The following GCLC variants were observed in gnomAD, a reference collection of about 807,000 sequenced individuals.
GCLC encodes the protein glutamate-cysteine ligase catalytic subunit, also known as glutamate--cysteine ligase catalytic subunit.
GCLC carries 30 observed loss-of-function variants against 81.5 expected under a neutral mutation model. The observed-to-expected ratio is 0.37, with a 90% CI of 0.28 to 0.50. The LOEUF (loss-of-function observed/expected upper bound fraction) is 0.50, where lower values mean the gene tolerates loss of function less well. Ranked by LOEUF, GCLC falls within the 20% of genes least tolerant of loss-of-function variation. The pLI is 0.96. For synonymous variants in GCLC, 262 were observed against 273.3 expected (o/e 0.96, Z 0.41); for missense variants, 556 against 777.4 (o/e 0.72, Z 3.39).
intron 12 of GCLC, among the ~76,000 whole-genome samples, chr6:53,504,246 T>C (rs1363631209): frequency 1.3e-5 from 2 of 152,022 alleles, no homozygotes; most frequent in Non-Finnish European, 2.9e-5. Flanking sequence ...AGATGGGATC[T>C]GGCAATGTTG....
rs1479553840 is a variant in GCLC, at chr6:53,517,264, T to C, written c.447-1042A>G. Among the ~76,000 whole-genome samples, 10 of 131,182 alleles carry C rather than the reference T, an allele frequency of 7.6e-5. 1 individual carries two copies. The allele number at this position is 131,182 out of a possible 152,430, so 86.1% of individuals were successfully genotyped here. On this transcript the variant is annotated intron_variant, in intron 3 of 15. Transcript: ENST00000650454. The stretch of plus-strand genomic sequence containing the variant: ...ACTGTACCAAGTTTTTTTTTTTTTT[T>C]TTTTTTTTTTTTTCCAGGGACGAGG...
intron 2 of GCLC, among the ~76,000 whole-genome samples, chr6:53,521,973 C>CA (rs17880508): frequency 2.6e-5 from 4 of 151,108 alleles, no homozygotes; most frequent in Non-Finnish European, 4.4e-5. Context: ...GACTCCGTCT[C>CA]AAAAAAAAAT....
chr6:53,521,866 C>A (rs911361372), intron 2 of GCLC, among the ~76,000 whole-genome samples: 2 of 152,000 alleles, frequency 1.3e-5, no homozygotes, highest in Non-Finnish European at 1.5e-5. Flanking sequence ...CCCAGCTACT[C>A]GGGAGGGTGA....
intron 7 of GCLC, 97 bp from the exon 8 acceptor site, chr6:53,508,808 T>A: frequency 1.2e-6 from 1 of 813,808 alleles, no homozygotes; most frequent in Non-Finnish European, 2.1e-6. Context: ...AAAAGCATGT[T>A]TATGCAACCC....
chr6:53,515,520 T>C (rs547447704), intron 4 of GCLC, among the ~76,000 whole-genome samples: 1 of 152,388 alleles, frequency 6.6e-6, no homozygotes, highest in East Asian at 1.9e-4. Context: ...GAAGTCTCCA[T>C]GTTCCCACTC....
At chr6:53,519,233 C>A (rs1261791563) in intron 3 of GCLC, among the ~76,000 whole-genome samples, 1 of 152,194 alleles carries the variant, frequency 6.6e-6, no homozygotes, top group African/African-American at 2.4e-5. Flanking sequence ...CTTCCCTTTA[C>A]CCCATACCTG....
In GCLC at chr6:53,500,033, T is replaced by A; in HGVS notation, c.1702+12A>T. 1 of 1,572,258 alleles carries A rather than the reference T, an allele frequency of 6.4e-7. No individual in the cohort carries two copies. The highest frequency in any genetic ancestry group is 8.8e-7 in the Non-Finnish European group (1 of 1,141,984). On this transcript the variant is annotated intron_variant, in intron 15 of 15. Coordinates refer to ENST00000650454, the MANE Select transcript of GCLC (RefSeq NM_001498.4). ...GTCTATATTATGAGATTAAGAAAAA[T>A]AGATATCATACCAGATGCTCTCTTC... is the stretch of plus-strand genomic sequence containing the variant.
chr6:53,498,630 T>G lies in GCLC; in HGVS notation c.*126A>C. On this transcript the variant is annotated 3_prime_UTR_variant, in exon 16 of 16. Transcript: ENST00000650454. ...ACCAAAGAAAGCCTTAATCAATTTC[T>G]GGCTCACTGGCCCAGAAAACAGTAC... is the stretch of plus-strand genomic sequence containing the variant. 1 of 728,258 alleles carries G rather than the reference T, an allele frequency of 1.4e-6. No homozygotes were observed. Among genetic ancestry groups the G allele is most frequent in the South Asian group, 1.5e-5 (1 of 67,392 alleles). The allele number at this position is 728,258 out of a possible 1,614,324, so 45.1% of individuals were successfully genotyped here.
In GCLC at chr6:53,506,656, T is replaced by TAA; in HGVS notation, c.1197+255_1197+256dup. On this transcript the variant is annotated intron_variant, in intron 10 of 15. Coordinates refer to ENST00000650454, the MANE Select transcript of GCLC (RefSeq NM_001498.4). This position sits in a 1 kb window ranked among gnomAD's most constrained non-coding sequence, Gnocchi z 4.0. ...AGGCAAATAAGAAAATACTGAACAA[T>TAA]AAAAAAAAAAATTAGAATCAGTGAG... 66 of 372,942 alleles carry TAA rather than the reference T, an allele frequency of 1.8e-4. No homozygotes were observed. Among genetic ancestry groups the TAA allele is most frequent in the East Asian group, 2.6e-4 (5 of 19,272 alleles). 23.1% of individuals were successfully genotyped at this position (372,942 alleles called of 1,614,324 possible).
At chr6:53,501,650 G>A (rs769905680) in intron 12 of GCLC, among the ~76,000 whole-genome samples, 3 of 152,200 alleles carry the variant, frequency 2.0e-5, no homozygotes, top group Non-Finnish European at 4.4e-5. Context: ...TATGCAGGGA[G>A]TGCGATTGTT....
intron 3 of GCLC, among the ~76,000 whole-genome samples, chr6:53,516,830 A>G (rs1764883513): frequency 6.6e-6 from 1 of 152,090 alleles, no homozygotes; most frequent in African/African-American, 2.4e-5. Flanking sequence ...CTCTTACTTG[A>G]CTTAAGGAGC....
At chr6:53,515,783 GAA>G (rs5876317) in intron 4 of GCLC, among the ~76,000 whole-genome samples, 2 of 150,708 alleles carry the variant, frequency 1.3e-5, no homozygotes, top group African/African-American at 4.9e-5. Flanking sequence ...ATAACTAAGA[GAA>G]AAAAAAAATC....
Position 53,498,719 on chromosome 6 carries a change from A to C in GCLC, c.*37T>G. 8.0e-7 allele frequency: 1 copy of C among 1,257,456 alleles called. No individual in the cohort carries two copies. Among genetic ancestry groups the C allele is most frequent in the Non-Finnish European group, 1.2e-6 (1 of 855,978 alleles). The allele number at this position is 1,257,456 out of a possible 1,614,324, so 77.9% of individuals were successfully genotyped here. A position where few individuals can be genotyped will look rare whatever the true frequency, so the allele number is the denominator to read the frequency against. On this transcript the variant is annotated 3_prime_UTR_variant, in exon 16 of 16. Transcript: ENST00000650454. ...GGCTGAGAGGCATGGTACTGTAGCCAGTTCGTCAATAATGCATTTTTCTTT... is the reference window on the plus strand; with the variant it reads ...GGCTGAGAGGCATGGTACTGTAGCCCGTTCGTCAATAATGCATTTTTCTTT...
intron 6 of GCLC, among the ~76,000 whole-genome samples, chr6:53,511,298 AT>A (rs1265884541): frequency 4.6e-5 from 7 of 151,990 alleles, no homozygotes; most frequent in Non-Finnish European, 1.0e-4. Flanking sequence ...AGGCATTGAG[AT>A]TTTAAAAAAA....
chr6:53,533,653 C>A (rs1029977415), intron 1 of GCLC, among the ~76,000 whole-genome samples: 1 of 151,882 alleles, frequency 6.6e-6, no homozygotes, highest in Admixed American at 6.6e-5. Flanking sequence ...TATTCTGAAA[C>A]AATTAAAAAT....
intron 1 of GCLC, among the ~76,000 whole-genome samples, chr6:53,530,262 G>A (rs1002263): frequency 0.023 from 3,537 of 152,236 alleles, 116 homozygotes; most frequent in African/African-American, 0.079. Flanking sequence ...GAATCTGAGT[G>A]CAGACACTGT....
chr6:53,504,809 G>A (rs1275781697), intron 12 of GCLC, among the ~76,000 whole-genome samples: 4 of 152,060 alleles, frequency 2.6e-5, no homozygotes, highest in Admixed American at 6.5e-5. Flanking sequence ...GAACCCCTGC[G>A]GCAGGGCCCT....
chr6:53,540,419 C>G (rs1264874380), intron 1 of GCLC, among the ~76,000 whole-genome samples: 2 of 151,426 alleles, frequency 1.3e-5, no homozygotes, highest in African/African-American at 2.4e-5. Context: ...CACAGAAGGA[C>G]AAATACTGCT....
chr6:53,521,470 T>C (rs767584266), intron 2 of GCLC, among the ~76,000 whole-genome samples: 1 of 152,026 alleles, frequency 6.6e-6, no homozygotes, highest in Non-Finnish European at 1.5e-5. Flanking sequence ...TCTTTATAAG[T>C]AACTGAAAAT....
Sources: allele counts gnomAD v4.1 joint callset (sites outside exome capture counted in the v4.1 genomes callset), GRCh38; gene constraint gnomAD v4.1.1; non-coding constraint Gnocchi (gnomAD v3.1); transcripts MANE v1.5; gene names NCBI Gene and HGNC (gene_info 2026-07-23, HGNC 2026-07-21).